ZNF385D: variants seen among roughly 807,000 people sequenced by gnomAD.
The protein encoded by ZNF385D is zinc finger protein 659.
In ZNF385D, 15 loss-of-function variants were observed where a neutral mutation model predicts 35.8. That is an observed-to-expected ratio of 0.42 (90% CI 0.28 to 0.64). The LOEUF (loss-of-function observed/expected upper bound fraction) is 0.64, where lower values mean the gene tolerates loss of function less well. Among genes scored for constraint, ZNF385D ranks in the 30% least tolerant of loss-of-function variants. The pLI, the probability that ZNF385D is intolerant of heterozygous loss-of-function variation, is 0.23. For missense variants in ZNF385D, 474 were observed against 494.6 expected, an observed-to-expected ratio of 0.96 and a Z score of 0.39; for synonymous variants, 212 against 186.8, an observed-to-expected ratio of 1.13 and a Z score of -1.10.
At chr3:21,730,646 GA>G (rs1484987485) in intron 1 of ZNF385D, among the ~76,000 whole-genome samples, 1 of 152,026 alleles carries the variant, frequency 6.6e-6, no homozygotes, top group African/African-American at 2.4e-5. Context: ...TGATGTAAAA[GA>G]AAAAAAGTGT....
At chr3:21,850,040 A>G (rs988723283) in intron 3 of ZNF385D, among the ~76,000 whole-genome samples, 1 of 152,104 alleles carries the variant, frequency 6.6e-6, no homozygotes, top group Non-Finnish European at 1.5e-5. Flanking sequence ...CACCACACTC[A>G]GCCTAAAATT....
chr3:21,529,811 C>T (rs1375611288), intron 3 of ZNF385D, among the ~76,000 whole-genome samples: 1 of 152,162 alleles, frequency 6.6e-6, no homozygotes, highest in Non-Finnish European at 1.5e-5. Flanking sequence ...GCTTTCCTTT[C>T]TATGGATTAT....
chr3:21,860,262 C>T (rs1007863903), intron 3 of ZNF385D, among the ~76,000 whole-genome samples: 11 of 152,060 alleles, frequency 7.2e-5, no homozygotes, highest in African/African-American at 2.7e-4. Context: ...GTCATAACTA[C>T]TCAACTGTCT....
intron 3 of ZNF385D, among the ~76,000 whole-genome samples, chr3:21,876,286 A>G (rs1479018724): frequency 1.3e-5 from 2 of 150,578 alleles, no homozygotes; most frequent in Non-Finnish European, 3.0e-5. Context: ...TTTCTGTCCT[A>G]TTGCTTATCT....
intron 1 of ZNF385D, among the ~76,000 whole-genome samples, chr3:21,728,303 A>AATAATAATG (rs1321847772): frequency 6.6e-6 from 1 of 150,434 alleles, no homozygotes; most frequent in Non-Finnish European, 1.5e-5. Context: ...TAATAATAAT[A>AATAATAATG]ATAATAATAA....
chr3:21,681,185 G>A (rs771093376), intron 1 of ZNF385D, among the ~76,000 whole-genome samples: 4 of 148,608 alleles, frequency 2.7e-5, no homozygotes, highest in Non-Finnish European at 5.9e-5. Flanking sequence ...AGACATCTAA[G>A]TCCTTCCCTG....
intron 2 of ZNF385D, among the ~76,000 whole-genome samples, chr3:22,329,857 T>C (rs1694854627): frequency 6.6e-6 from 1 of 152,274 alleles, no homozygotes; most frequent in South Asian, 2.1e-4. Flanking sequence ...TTGAGATAGC[T>C]TTTTTTGAAT....
intron 3 of ZNF385D, among the ~76,000 whole-genome samples, chr3:21,982,975 T>C (rs1694569648): frequency 6.6e-6 from 1 of 152,078 alleles, no homozygotes. Context: ...TCTGATGTGC[T>C]GCTGAATTTG....
chr3:21,651,188 T>C (rs1223190879), intron 2 of ZNF385D, among the ~76,000 whole-genome samples: 1 of 144,124 alleles, frequency 6.9e-6, no homozygotes, highest in African/African-American at 2.6e-5. Flanking sequence ...CTCGGGAGGC[T>C]GAAGCAGGAG....
At chr3:22,219,402 C>T (rs1414388805) in intron 2 of ZNF385D, among the ~76,000 whole-genome samples, 3 of 152,112 alleles carry the variant, frequency 2.0e-5, no homozygotes, top group Non-Finnish European at 4.4e-5. Context: ...CTTCCCAATC[C>T]ACACTTGAGT....
intron 1 of ZNF385D, among the ~76,000 whole-genome samples, chr3:21,736,307 G>C (rs907567658): frequency 6.6e-6 from 1 of 152,086 alleles, no homozygotes; most frequent in African/African-American, 2.4e-5. Context: ...TTACCATAAA[G>C]ACATGCTATA....
chr3:21,607,958 A>G (rs2064532668), intron 2 of ZNF385D, among the ~76,000 whole-genome samples: 1 of 147,952 alleles, frequency 6.8e-6, no homozygotes, highest in Non-Finnish European at 1.5e-5. Context: ...TCTGAATTTT[A>G]TTGTGTTACC....
At chr3:22,135,219 T>C (rs79437504) in intron 3 of ZNF385D, among the ~76,000 whole-genome samples, 7,832 of 152,084 alleles carry the variant, frequency 0.051, 870 homozygotes, top group East Asian at 0.41. Flanking sequence ...TATTGGCAAC[T>C]TCAAAATTTG....
chr3:22,321,304 C>A (rs1451138864), intron 2 of ZNF385D, among the ~76,000 whole-genome samples: 1 of 150,206 alleles, frequency 6.7e-6, no homozygotes, highest in Non-Finnish European at 1.5e-5. Context: ...AAAACTCTTT[C>A]TACAAGTCCC....
chr3:21,442,103 T>C (rs776816317), intron 4 of ZNF385D, among the ~76,000 whole-genome samples: 1 of 152,104 alleles, frequency 6.6e-6, no homozygotes, highest in Non-Finnish European at 1.5e-5. Flanking sequence ...ATAAAAACAC[T>C]GTAAATACTT....
intron 3 of ZNF385D, among the ~76,000 whole-genome samples, chr3:21,821,761 G>C (rs553317112): frequency 6.7e-4 from 102 of 152,120 alleles, no homozygotes; most frequent in African/African-American, 2.4e-3. Flanking sequence ...AGGAGTTCGA[G>C]ACCAGACTGA....
intron 3 of ZNF385D, among the ~76,000 whole-genome samples, chr3:21,526,892 T>C (rs2125519722): frequency 6.6e-6 from 1 of 152,336 alleles, no homozygotes; most frequent in South Asian, 2.1e-4. Flanking sequence ...TCTTATTTAG[T>C]ACTACTAATA....
chr3:22,255,068 C>A (rs1576571483), intron 2 of ZNF385D, among the ~76,000 whole-genome samples: 1 of 151,796 alleles, frequency 6.6e-6, no homozygotes, highest in Non-Finnish European at 1.5e-5. Flanking sequence ...ATTTCTGGAA[C>A]TTTCCATTTA....
rs369360769 is a variant in ZNF385D, at chr3:21,770,620, G to A, written c.326-105592C>T. Among the ~76,000 whole-genome samples the A allele has an allele frequency of 1.2e-3, 178 of 152,098 alleles. 2 individuals carry two copies. Among genetic ancestry groups the A allele is most frequent in the African/African-American group, 3.8e-3 (156 of 41,538 alleles). Reference sequence around the variant, plus strand: ...GCTGGAGAGGATGTGGAGAAATAGGGACACTTTTACACTGTTGGTGGGACT... The same window carrying A: ...GCTGGAGAGGATGTGGAGAAATAGGAACACTTTTACACTGTTGGTGGGACT... On this transcript the variant is annotated intron_variant, in intron 3 of 5. Transcript: ENST00000494108.
Sources: gnomAD v4.1 joint callset for allele counts (sites outside exome capture counted in the v4.1 genomes callset) on GRCh38, gnomAD v4.1.1 for gene constraint, MANE v1.5 for transcripts, NCBI Gene and HGNC (gene_info 2026-07-23, HGNC 2026-07-21) for gene names.